ATXN1: variants seen among roughly 807,000 people sequenced by gnomAD.
ATXN1 encodes the protein ataxin-1.
Under a neutral mutation model 56.4 loss-of-function variants are expected in ATXN1, and 8 were observed. The ratio of observed to expected loss-of-function variants is 0.14; its 90% confidence interval spans 0.08 to 0.26. The LOEUF (loss-of-function observed/expected upper bound fraction) is 0.26. Ranked by LOEUF, ATXN1 falls within the 10% of genes least tolerant of loss-of-function variation. The pLI is 1.00. For synonymous variants in ATXN1, 514 were observed against 494.6 expected, an observed-to-expected ratio of 1.04 and a Z score of -0.52; for missense variants, 987 against 1,106.5, an observed-to-expected ratio of 0.89 and a Z score of 1.53.
intron 2 of ATXN1, among the ~76,000 whole-genome samples, chr6:16,679,317 T>C (rs1413844617): frequency 7.9e-6 from 1 of 127,376 alleles, no homozygotes; most frequent in Non-Finnish European, 1.7e-5. Context: ...GATGGATGGA[T>C]ATATGGGTGG....
At chr6:16,317,607 G>C (rs753070563) in intron 7 of ATXN1, among the ~76,000 whole-genome samples, 10 of 152,148 alleles carry the variant, frequency 6.6e-5, no homozygotes, top group Non-Finnish European at 1.3e-4. Flanking sequence ...TTACAGGTGT[G>C]AGCCACCGCG....
intron 6 of ATXN1, among the ~76,000 whole-genome samples, chr6:16,366,998 A>T (rs182029909): frequency 1.3e-3 from 192 of 152,182 alleles, no homozygotes; most frequent in African/African-American, 4.3e-3. Flanking sequence ...TAGAGCCCAA[A>T]CTGGAGATCT....
At chr6:16,602,006 G>A (rs1762921389) in intron 3 of ATXN1, among the ~76,000 whole-genome samples, 1 of 152,130 alleles carries the variant, frequency 6.6e-6, no homozygotes, top group Admixed American at 6.6e-5. Flanking sequence ...AAATCTTAAA[G>A]TTTTCAGAAT....
chr6:16,491,120 C>T (rs1760650930), intron 5 of ATXN1, among the ~76,000 whole-genome samples: 1 of 85,494 alleles, frequency 1.2e-5, no homozygotes, highest in African/African-American at 4.9e-5. Flanking sequence ...TTTTTTGAGA[C>T]GAAGTCTTGC....
chr6:16,443,985 G>A (rs4716072), intron 6 of ATXN1, among the ~76,000 whole-genome samples: 74,058 of 151,680 alleles, frequency 0.49, 19,170 homozygotes, highest in East Asian at 0.84. Flanking sequence ...GCGTGGTGGC[G>A]GGCGCCTGTA....
intron 4 of ATXN1, among the ~76,000 whole-genome samples, chr6:16,554,195 G>A (rs1761970814): frequency 6.6e-6 from 1 of 152,204 alleles, no homozygotes; most frequent in Admixed American, 6.5e-5. Flanking sequence ...CTCCACACAA[G>A]AATAATCTAC....
intron 1 of ATXN1, among the ~76,000 whole-genome samples, chr6:16,757,152 G>A (rs1483628107): frequency 6.6e-6 from 1 of 152,214 alleles, no homozygotes; most frequent in Non-Finnish European, 1.5e-5. Flanking sequence ...AAGAGTTTCT[G>A]TTTAATCTTC....
intron 4 of ATXN1, among the ~76,000 whole-genome samples, chr6:16,560,258 C>T (rs62389003): frequency 0.12 from 17,856 of 151,616 alleles, 1,734 homozygotes; most frequent in East Asian, 0.5. Flanking sequence ...GGTGAAACCC[C>T]GTCTCTACTA....
rs919409064 is a variant in ATXN1, at chr6:16,731,540, G to A, written c.-615+21693C>T. ...AGGAGCTTGAAAAATAAACCAGAGC[G>A]ACCAAGGGCTGCAAGGCTTTGACCT... On this transcript the variant is annotated intron_variant, in intron 2 of 7. Coordinates refer to ENST00000436367, the MANE Select transcript of ATXN1 (RefSeq NM_001128164.2). Among the ~76,000 whole-genome samples, 16 of 134,056 alleles carry A rather than the reference G, an allele frequency of 1.2e-4. 1 individual carries two copies. Among genetic ancestry groups the A allele is most frequent in the South Asian group, 2.5e-4 (1 of 4,034 alleles). 87.9% of individuals were successfully genotyped at this position (134,056 alleles called of 152,430 possible). A position where few individuals can be genotyped will look rare whatever the true frequency, so the allele number is the denominator to read the frequency against.
At chr6:16,576,834 C>A (rs941890462) in intron 4 of ATXN1, among the ~76,000 whole-genome samples, 1 of 152,116 alleles carries the variant, frequency 6.6e-6, no homozygotes, top group Non-Finnish European at 1.5e-5. Flanking sequence ...GGCCCCACCC[C>A]GAGCATGCAT....
chr6:16,719,288 C>T (rs1759700194), intron 2 of ATXN1, among the ~76,000 whole-genome samples: 1 of 152,028 alleles, frequency 6.6e-6, no homozygotes, highest in South Asian at 2.1e-4. Flanking sequence ...TATACATTCC[C>T]CCAAAGCACA....
chr6:16,587,965 T>C (rs1338820455), intron 3 of ATXN1, among the ~76,000 whole-genome samples: 1 of 152,116 alleles, frequency 6.6e-6, no homozygotes, highest in South Asian at 2.1e-4. Context: ...TACTCATTTT[T>C]CAAGGCCAAC....
intron 6 of ATXN1, among the ~76,000 whole-genome samples, chr6:16,335,644 T>C (rs1761106888): frequency 3.3e-5 from 5 of 152,228 alleles, no homozygotes; most frequent in African/African-American, 7.2e-5. Context: ...ACTCAGAACC[T>C]GGGAATGGCT....
rs528255250 is a variant in ATXN1 at position 16,534,209 on chromosome 6, A to G, written c.-360-11521T>C. 1.5e-4 allele frequency among the ~76,000 whole-genome samples: 23 copies of G among 152,186 alleles called. No individual in the cohort carries two copies. In the South Asian group the frequency reaches 3.9e-3, roughly 26 times the overall value. ...TCCAACTCAGTTATTGAGAATGGCC[A>G]TTAGAGGGTCCCAAATAACCCAGTT... On this transcript the variant is annotated intron_variant, in intron 4 of 7. Transcript: ENST00000436367.
At chr6:16,718,515 G>C (rs1759682510) in intron 2 of ATXN1, among the ~76,000 whole-genome samples, 1 of 152,210 alleles carries the variant, frequency 6.6e-6, no homozygotes, top group African/African-American at 2.4e-5. Context: ...AGAACCAAGG[G>C]AGTAAGGAAG....
chr6:16,627,510 C>T (rs1170829446), intron 3 of ATXN1, among the ~76,000 whole-genome samples: 3 of 151,988 alleles, frequency 2.0e-5, no homozygotes, highest in East Asian at 1.9e-4. Flanking sequence ...GGGCGGGTCA[C>T]GAGGTCAGGA....
At chr6:16,391,840 C>G (rs1284060703) in intron 6 of ATXN1, among the ~76,000 whole-genome samples, 1 of 152,168 alleles carries the variant, frequency 6.6e-6, no homozygotes, top group East Asian at 1.9e-4. Context: ...CTTTTTATTT[C>G]TCTGCCCTCA....
intron 6 of ATXN1, among the ~76,000 whole-genome samples, chr6:16,353,837 C>T (rs1411299590): frequency 6.6e-6 from 1 of 152,196 alleles, no homozygotes; most frequent in Non-Finnish European, 1.5e-5. Flanking sequence ...TGAGGGTCCC[C>T]TGAGTCGATA....
rs145813082 is a variant in ATXN1 at position 16,351,786 on chromosome 6, G to A, written c.-160-23316C>T. Among the ~76,000 whole-genome samples, 194 of 152,292 alleles carry A rather than the reference G, an allele frequency of 1.3e-3. 2 individuals carry two copies. Among genetic ancestry groups the A allele is most frequent in the African/African-American group, 4.3e-3 (179 of 41,548 alleles). On this transcript the variant is annotated intron_variant, in intron 6 of 7. Transcript: ENST00000436367. ...AACCAGGCCTCCTTTCAGTATCGCA[G>A]CTTGAGCCTGTCAGCATCCCCTGAT...
Sources: allele counts gnomAD v4.1 joint callset (sites outside exome capture counted in the v4.1 genomes callset), GRCh38; gene constraint gnomAD v4.1.1; transcripts MANE v1.5; gene names NCBI Gene and HGNC (gene_info 2026-07-23, HGNC 2026-07-21).